The following KLRG1 variants were observed in gnomAD, a reference collection of about 807,000 sequenced individuals.
The protein encoded by KLRG1 is killer cell lectin-like receptor subfamily G member 1.
A neutral mutation model predicts 21.8 loss-of-function variants in KLRG1; 16 were observed. That is an observed-to-expected ratio of 0.73 (90% confidence interval 0.50 to 1.11). The LOEUF (loss-of-function observed/expected upper bound fraction) is 1.11. Ranked by LOEUF, KLRG1 falls within the 50% of genes most tolerant of loss-of-function variation. The pLI, the probability that KLRG1 is intolerant of heterozygous loss-of-function variation, is 0.00. For missense variants in KLRG1, 173 were observed against 218.3 expected, an observed-to-expected ratio of 0.79 and a Z score of 1.31; for synonymous variants, 69 against 75.9, an observed-to-expected ratio of 0.91 and a Z score of 0.47.
chr12:9,076,789 G>A, the KLRG1 span: 3 of 1,613,958 alleles, frequency 1.9e-6, no homozygotes, highest in East Asian at 2.2e-5. Context: ...AGTGACTTGA[G>A]TACTTCCTTC....
At chr12:8,967,567 A>T (rs918110254) in intron 1 of KLRG1, among the ~76,000 whole-genome samples, 1 of 135,226 alleles carries the variant, frequency 7.4e-6, no homozygotes, top group Admixed American at 7.5e-5. Flanking sequence ...ACAAAAAATT[A>T]AAAAATTAGC....
chr12:9,008,479 T>G (rs1286049073), intron 3 of KLRG1, among the ~76,000 whole-genome samples: 1 of 152,252 alleles, frequency 6.6e-6, no homozygotes, highest in Non-Finnish European at 1.5e-5. Flanking sequence ...GAGTGAATAA[T>G]TGTCTTAGCT....
the KLRG1 span, among the ~76,000 whole-genome samples, chr12:9,082,106 T>C: frequency 7.9e-5 from 12 of 152,322 alleles, no homozygotes; most frequent in East Asian, 1.9e-3. Context: ...TTAAATATGC[T>C]TGACCTGGGA....
intron 1 of KLRG1, among the ~76,000 whole-genome samples, chr12:8,977,381 TTTTTTTTTA>T (rs1362073967): frequency 2.0e-5 from 3 of 148,778 alleles, no homozygotes; most frequent in Non-Finnish European, 4.5e-5. Flanking sequence ...TTTTTTTTTT[TTTTTTTTTA>T]TTTGTAGTAG....
At chr12:9,137,563 A>C in the KLRG1 span, among the ~76,000 whole-genome samples, 8 of 152,022 alleles carry the variant, frequency 5.3e-5, no homozygotes, top group African/African-American at 1.9e-4. Context: ...TTTTTAAACA[A>C]TACCAATGTG....
the KLRG1 span, chr12:9,068,039 TA>T: frequency 9.4e-7 from 1 of 1,059,118 alleles, no homozygotes; most frequent in Non-Finnish European, 1.4e-6. Flanking sequence ...CCCTCTCCAA[TA>T]AATGTGTTTT....
the KLRG1 span, chr12:9,077,004 C>T: frequency 7.0e-7 from 1 of 1,429,212 alleles, no homozygotes; most frequent in Non-Finnish European, 9.3e-7. Flanking sequence ...CAGGCAAATA[C>T]ACGGATCACA....
chr12:9,124,542 C>T, the KLRG1 span, among the ~76,000 whole-genome samples: 2 of 152,316 alleles, frequency 1.3e-5, no homozygotes, highest in Admixed American at 1.3e-4. Flanking sequence ...AGAGAGAGCC[C>T]GGGACAAGCG....
At chr12:9,068,918 G>GT in the KLRG1 span, 4 of 1,035,594 alleles carry the variant, frequency 3.9e-6, no homozygotes, top group Admixed American at 1.1e-4. Context: ...GTATTCACCT[G>GT]TTTTTTGGGG....
chr12:8,973,163 GAAAAAAA>G (rs59760555), intron 1 of KLRG1, among the ~76,000 whole-genome samples: 19 of 97,036 alleles, frequency 2.0e-4, no homozygotes, highest in Admixed American at 1.1e-3. Context: ...CATCTCAAAA[GAAAAAAA>G]AAAAAAAAAA....
chr12:9,047,322 A>T, the KLRG1 span, among the ~76,000 whole-genome samples: 1 of 152,236 alleles, frequency 6.6e-6, no homozygotes, highest in Non-Finnish European at 1.5e-5. Context: ...AGGTATGTGC[A>T]CCACCTGTGA....
At chr12:9,091,135 C>G in the KLRG1 span, 2 of 1,549,142 alleles carry the variant, frequency 1.3e-6, no homozygotes, top group South Asian at 2.3e-5. Context: ...TGCAGTATTC[C>G]TAGGAATGCA....
At chr12:9,172,564 T>A in the KLRG1 span, among the ~76,000 whole-genome samples, 6 of 152,086 alleles carry the variant, frequency 3.9e-5, no homozygotes, top group Admixed American at 3.3e-4. Flanking sequence ...CCAAGACCCA[T>A]CATCAGTATG....
chr12:9,188,013 C>T, the KLRG1 span, among the ~76,000 whole-genome samples: 4 of 152,338 alleles, frequency 2.6e-5, 1 homozygote, highest in East Asian at 5.8e-4. Context: ...AGAAGTGGGA[C>T]TCACATAAAA....
chr12:9,160,982 G>A, the KLRG1 span: 8 of 1,342,016 alleles, frequency 6.0e-6, no homozygotes, highest in Non-Finnish European at 8.6e-6. Flanking sequence ...TAGATAAGAT[G>A]TACAGTGGCA....
At chr12:9,106,167 C>A in the KLRG1 span, 1 of 917,754 alleles carries the variant, frequency 1.1e-6, no homozygotes, top group South Asian at 1.6e-5. Flanking sequence ...GGTTTTAGCA[C>A]AAACCATAAC....
the KLRG1 span, chr12:9,196,927 C>T: frequency 9.1e-7 from 1 of 1,095,674 alleles, no homozygotes; most frequent in Non-Finnish European, 1.4e-6. Flanking sequence ...ACAAGCTTGT[C>T]CTGATGCCCT....
At chr12:9,106,481 G>C in the KLRG1 span, 11 of 1,550,380 alleles carry the variant, frequency 7.1e-6, no homozygotes, top group South Asian at 1.1e-4. Flanking sequence ...TACCCATGTA[G>C]TACACAAACC....
intron 1 of KLRG1, among the ~76,000 whole-genome samples, chr12:8,952,076 T>C (rs755579154): frequency 6.6e-6 from 1 of 152,346 alleles, no homozygotes; most frequent in African/African-American, 2.4e-5. Context: ...GAGCAGAATT[T>C]TTTTTTGTTT....
Sources: gnomAD v4.1 joint callset for allele counts (sites outside exome capture counted in the v4.1 genomes callset) on GRCh38, gnomAD v4.1.1 for gene constraint, MANE v1.5 for transcripts, NCBI Gene and HGNC (gene_info 2026-07-23, HGNC 2026-07-21) for gene names.